AWAT2: variants seen among roughly 807,000 people sequenced by gnomAD.
AWAT2 encodes 11-cis-RE-synthase.
In AWAT2, 9 loss-of-function variants were observed where a neutral mutation model predicts 22.3. The ratio of observed to expected loss-of-function variants is 0.40; its 90% CI spans 0.24 to 0.70. The LOEUF (loss-of-function observed/expected upper bound fraction) is 0.70, where lower values mean the gene tolerates loss of function less well. Among genes scored for constraint, AWAT2 ranks in the 30% least tolerant of loss-of-function variants. AWAT2 has a pLI of 0.36. For synonymous variants in AWAT2, 100 were observed against 93.4 expected (o/e 1.07, Z -0.40); for missense variants, 217 against 265.9 (o/e 0.82, Z 1.28).
chrX:70,044,015 C>G lies in AWAT2; in HGVS notation c.197-19G>C. 8.5e-7 allele frequency: 1 copy of G among 1,178,169 alleles called. No homozygotes were observed. Among genetic ancestry groups the G allele is most frequent in the South Asian group, 1.9e-5 (1 of 52,919 alleles). ...CGGCCGCCTGAAAACAGAGGCAATG[C>G]AGCCAAGCTTTGTCCATTCCCACTG... On this transcript the variant is annotated intron_variant, in intron 2 of 7. Coordinates refer to ENST00000276101, the MANE Select transcript of AWAT2 (RefSeq NM_001002254.1).
intron 1 of AWAT2, among the ~76,000 whole-genome samples, chrX:70,045,082 C>T (rs1223126254): frequency 8.9e-6 from 1 of 112,508 alleles, no homozygotes; most frequent in Non-Finnish European, 1.9e-5. Flanking sequence ...AGAATTACTA[C>T]TGGACTCAGT....
chrX:70,047,806 A>G (rs1040081751), intron 1 of AWAT2, among the ~76,000 whole-genome samples: 1 of 111,416 alleles, frequency 9.0e-6, no homozygotes, highest in Non-Finnish European at 1.9e-5. Flanking sequence ...ATCTGCTGCC[A>G]GGACCGAGAG....
Position 70,043,205 on chromosome X carries a change from G to A in AWAT2, c.511C>T (p.Leu171=). Residue 171 remains leucine, a synonymous_variant, in exon 5 of 8, where the codon CTG becomes TTG. Transcript: ENST00000276101. The stretch of plus-strand genomic sequence containing the variant: ...ATGTTGCCTGTGCCTTTATGAGTCA[G>A]CAGAAAGTCAATGGAGGATCGACTC... ...SVSRSSIDFL[L]THKGTGNMVI... 4.1e-6 allele frequency: 5 copies of A among 1,207,251 alleles called. No individual in the cohort carries two copies. In the East Asian group the frequency reaches 1.5e-4, roughly 36 times the overall value.
chrX:70,049,736 G>GCCT, intron 1 of AWAT2, 112 bp downstream of exon 1: 1 of 948,016 alleles, frequency 1.1e-6, no homozygotes, highest in South Asian at 2.2e-5. Context: ...CAACCTTCCT[G>GCCT]GTTTTACTGG....
intron 1 of AWAT2, among the ~76,000 whole-genome samples, chrX:70,044,825 A>G (rs778902449): frequency 7.1e-5 from 8 of 112,597 alleles, no homozygotes; most frequent in Non-Finnish European, 1.1e-4. Flanking sequence ...GAATCCTGGA[A>G]CAGTTTTCCT....
intron 1 of AWAT2, among the ~76,000 whole-genome samples, chrX:70,047,640 T>G (rs1168050123): frequency 8.9e-6 from 1 of 111,910 alleles, no homozygotes; most frequent in Non-Finnish European, 1.9e-5. Context: ...CTGCACTATT[T>G]CCCTCACTTA....
At chrX:70,047,041 A>T (rs1390550915) in intron 1 of AWAT2, among the ~76,000 whole-genome samples, 1 of 112,201 alleles carries the variant, frequency 8.9e-6, no homozygotes, top group Admixed American at 9.5e-5. Context: ...TTCAGGGAAA[A>T]CAGGAAATTC....
chrX:70,041,753 C>A lies in AWAT2; in HGVS notation c.*35+20G>T. 1 of 1,166,981 alleles carries A rather than the reference C, an allele frequency of 8.6e-7. No homozygotes were observed. Among genetic ancestry groups the A allele is most frequent in the Non-Finnish European group, 1.2e-6 (1 of 864,555 alleles). On this transcript the variant is annotated intron_variant, in intron 7 of 7. Transcript: ENST00000276101. ...GATAGGTGACTTTTGTCCTCCTGTT[C>A]TCACTGGGTCCATCCATACCTTCCA...
intron 1 of AWAT2, 121 bp from the exon 2 acceptor site, chrX:70,044,583 C>T (rs1346759507): frequency 1.6e-5 from 17 of 1,059,267 alleles, no homozygotes; most frequent in Non-Finnish European, 1.9e-5. Flanking sequence ...CCACTCAACA[C>T]TCTCACTTCT....
In AWAT2 at chrX:70,040,579, C is replaced by T. The variant is rs931119683; in HGVS notation, c.*1079G>A. ...ACACTTTATGGAAGCTCAGGGAAAA[C>T]GTAATCTCTGGCACAAGAAGTAACA... is the stretch of plus-strand genomic sequence containing the variant. On this transcript the variant is annotated 3_prime_UTR_variant, in exon 8 of 8. Transcript: ENST00000276101. The T allele has an allele frequency of 8.9e-6, 1 of 112,403 alleles. No homozygotes were observed. Among genetic ancestry groups the T allele is most frequent in the Non-Finnish European group, 1.9e-5 (1 of 53,321 alleles). The allele number at this position is 112,403 out of a possible 1,213,427, so 9.3% of individuals were successfully genotyped here.
In AWAT2 at chrX:70,046,441, G is replaced by C. The variant is rs759822820; in HGVS notation, c.86-1979C>G. On this transcript the variant is annotated intron_variant, in intron 1 of 7. Coordinates refer to ENST00000276101, the MANE Select transcript of AWAT2 (RefSeq NM_001002254.1). The stretch of plus-strand genomic sequence containing the variant: ...TTTTTTTTGGACAGGGTCTCACTCT[G>C]TCACCTAGGTTGGAGTGCAGTGCCA... Among the ~76,000 whole-genome samples, 26 of 102,019 alleles carry C rather than the reference G, an allele frequency of 2.5e-4. 2 individuals are homozygous for C. The highest frequency in any genetic ancestry group is 2.0e-3 in the Admixed American group (18 of 9,156). The allele number at this position is 102,019 out of a possible 115,157, so 88.6% of individuals were successfully genotyped here.
intron 1 of AWAT2, among the ~76,000 whole-genome samples, chrX:70,046,833 T>C (rs1005967653): frequency 8.9e-6 from 1 of 112,196 alleles, no homozygotes; most frequent in African/African-American, 3.2e-5. Flanking sequence ...CGGTTTCTTT[T>C]TCCAGAAAAA....
chrX:70,045,239 A>C (rs1319184553), intron 1 of AWAT2, among the ~76,000 whole-genome samples: 1 of 112,667 alleles, frequency 8.9e-6, no homozygotes, highest in Non-Finnish European at 1.9e-5. Flanking sequence ...ATTATCATTA[A>C]AATGTTTTTT....
chrX:70,042,204 C>A lies in AWAT2; in HGVS notation c.830G>T (p.Arg277Leu). 8.3e-7 allele frequency: 1 copy of A among 1,208,158 alleles called. No individual in the cohort carries two copies. Among genetic ancestry groups the A allele is most frequent in the East Asian group, 3.0e-5 (1 of 33,781 alleles). The change falls in exon 6 of 8, where the codon CGG becomes CTG. Residue 277 changes from arginine (R) to leucine (L), a missense_variant. Coordinates refer to ENST00000276101, the MANE Select transcript of AWAT2 (RefSeq NM_001002254.1). ...KNSWGLLPYS[R>L]PVTTIVGEPL... ...CCACTCACCGATGGTGGTTACAGGC[C>A]GACTATAGGGCAGAAGGCCCCAGGA...
In AWAT2 at chrX:70,044,008, G is replaced by A. The variant is rs766401310; in HGVS notation, c.197-12C>T. The A allele has an allele frequency of 6.3e-5, 75 of 1,182,704 alleles. No homozygotes were observed. The highest frequency in any genetic ancestry group is 8.5e-5 in the Non-Finnish European group (75 of 880,484). Reference sequence around the variant, plus strand: ...AAACCGGCGGCCGCCTGAAAACAGAGGCAATGCAGCCAAGCTTTGTCCATT... The same window carrying A: ...AAACCGGCGGCCGCCTGAAAACAGAAGCAATGCAGCCAAGCTTTGTCCATT... On this transcript the variant is annotated splice_polypyrimidine_tract_variant and intron_variant, in intron 2 of 7. Coordinates refer to ENST00000276101, the MANE Select transcript of AWAT2 (RefSeq NM_001002254.1).
Position 70,043,066 on chromosome X carries a change from T to G in AWAT2, c.647+3A>C, listed in dbSNP as rs1444035739. On this transcript the variant is annotated splice_donor_region_variant and intron_variant, in intron 5 of 7. Coordinates refer to ENST00000276101, the MANE Select transcript of AWAT2 (RefSeq NM_001002254.1). ...CGCCAGCCTGGACTGGAGCTGTCCT[T>G]ACCCATGCTGAAGGGCCATGCGCAC... 1.7e-6 allele frequency: 2 copies of G among 1,184,682 alleles called. No homozygotes were observed. Among genetic ancestry groups the G allele is most frequent in the Admixed American group, 4.7e-5 (2 of 42,572 alleles).
Position 70,041,435 on chromosome X carries a change from A to T in AWAT2, c.*223T>A, listed in dbSNP as rs2020326448. 7.7e-6 allele frequency: 1 copy of T among 129,235 alleles called. No homozygotes were observed. Among genetic ancestry groups the T allele is most frequent in the African/African-American group, 3.2e-5 (1 of 31,454 alleles). 10.7% of individuals were successfully genotyped at this position (129,235 alleles called of 1,213,427 possible). ...GTTTGACAGCTAGAGAAGGAGAGAC[A>T]TGCATCCCAGAGCCTTCAAAACAGA... On this transcript the variant is annotated 3_prime_UTR_variant, in exon 8 of 8. Transcript: ENST00000276101.
intron 1 of AWAT2, among the ~76,000 whole-genome samples, chrX:70,045,943 G>A (rs1326495431): frequency 2.7e-5 from 3 of 111,653 alleles, no homozygotes; most frequent in African/African-American, 9.8e-5. Flanking sequence ...GGTCATGCAT[G>A]TACTGGCCCA....
At position 70,041,575 on chromosome X, in the gene AWAT2, T is replaced by C; in HGVS notation, c.*83A>G. On this transcript the variant is annotated 3_prime_UTR_variant, in exon 8 of 8. Coordinates refer to ENST00000276101, the MANE Select transcript of AWAT2 (RefSeq NM_001002254.1). ...ACCTCTCCCCTAGGCTCTTCCCTGTTTCTTGGGACTATCTCACCAGTAGCT... is the reference window on the plus strand; with the variant it reads ...ACCTCTCCCCTAGGCTCTTCCCTGTCTCTTGGGACTATCTCACCAGTAGCT... The C allele has an allele frequency of 2.7e-6, 1 of 371,289 alleles. No homozygotes were observed. Among genetic ancestry groups the C allele is most frequent in the Non-Finnish European group, 4.6e-6 (1 of 216,796 alleles). The allele number at this position is 371,289 out of a possible 1,213,427, so 30.6% of individuals were successfully genotyped here.
Sources: gnomAD v4.1 joint callset for allele counts (sites outside exome capture counted in the v4.1 genomes callset) on GRCh38, gnomAD v4.1.1 for gene constraint, MANE v1.5 for transcripts, NCBI Gene and HGNC (gene_info 2026-07-23, HGNC 2026-07-21) for gene names.